GABRA4: variants seen among roughly 807,000 people sequenced by gnomAD.
The protein encoded by GABRA4 is gamma-aminobutyric acid receptor subunit alpha-4.
GABRA4 carries 12 observed loss-of-function variants against 49.7 expected under a neutral mutation model. The observed-to-expected ratio is 0.24, with a 90% CI of 0.15 to 0.39. The LOEUF is 0.39. Ranked by LOEUF, GABRA4 falls within the 10% of genes least tolerant of loss-of-function variation. GABRA4 has a pLI of 1.00. For missense variants in GABRA4, 506 were observed against 686.0 expected (o/e 0.74, Z 2.93); for synonymous variants, 288 against 240.2 (o/e 1.20, Z -1.84).
chr4:46,928,371 C>A lies in GABRA4; in HGVS notation c.1519G>T (p.Ala507Ser). ...GKLSATPPPS[A>S]PPPSGSGTSK... Reference sequence around the variant, plus strand: ...GTGCCAGATCCAGAAGGTGGTGGAGCCGATGGAGGAGGAGTAGCTGACAAC... The same window carrying A: ...GTGCCAGATCCAGAAGGTGGTGGAGACGATGGAGGAGGAGTAGCTGACAAC... Residue 507 changes from alanine to serine, a missense_variant, in exon 9 of 9, where the codon GCT (alanine) becomes TCT (serine). Transcript: ENST00000264318. 1.9e-6 allele frequency: 3 copies of A among 1,613,572 alleles called. No individual in the cohort carries two copies. The highest frequency in any genetic ancestry group is 2.7e-5 in the African/African-American group (2 of 74,980).
chr4:46,931,470 T>C (rs1721434957), intron 8 of GABRA4, among the ~76,000 whole-genome samples: 1 of 152,150 alleles, frequency 6.6e-6, no homozygotes, highest in Admixed American at 6.6e-5. Context: ...TGGAATGTCC[T>C]GAAATCTTGT....
intron 2 of GABRA4, among the ~76,000 whole-genome samples, chr4:46,982,101 A>G (rs1312819692): frequency 6.6e-6 from 1 of 152,136 alleles, no homozygotes; most frequent in Non-Finnish European, 1.5e-5. Context: ...TTTAAGCAAC[A>G]TACTTATAAT....
intron 8 of GABRA4, among the ~76,000 whole-genome samples, chr4:46,930,570 T>G (rs1385595833): frequency 6.6e-6 from 1 of 151,696 alleles, no homozygotes; most frequent in African/African-American, 2.4e-5. Context: ...GACCAAATGC[T>G]GAATATCCCA....
At chr4:46,966,841 GTTAGCATTC>G (rs1206258017) in intron 7 of GABRA4, among the ~76,000 whole-genome samples, 2 of 151,674 alleles carry the variant, frequency 1.3e-5, no homozygotes, top group Non-Finnish European at 3.0e-5. Flanking sequence ...TTGTGACATT[GTTAGCATTC>G]TTATTAGTCT....
chr4:46,936,930 G>A (rs1181320489), intron 8 of GABRA4, among the ~76,000 whole-genome samples: 1 of 152,150 alleles, frequency 6.6e-6, no homozygotes, highest in Non-Finnish European at 1.5e-5. Context: ...ATGGCAGAAT[G>A]CAACAAATGT....
rs1721084405 is a variant in GABRA4, at chr4:46,922,882, C to T, written c.*5343G>A. 1 of 152,100 alleles carries T rather than the reference C, an allele frequency of 6.6e-6. No homozygotes were observed. Among genetic ancestry groups the T allele is most frequent in the East Asian group, 1.9e-4 (1 of 5,172 alleles). The allele number at this position is 152,100 out of a possible 1,614,324, so 9.4% of individuals were successfully genotyped here. A position where few individuals can be genotyped will look rare whatever the true frequency, so the allele number is the denominator to read the frequency against. On this transcript the variant is annotated 3_prime_UTR_variant, in exon 9 of 9. Transcript: ENST00000264318. ...GGTCCCCAACCCCTGGGCCACTGACCAGTACTTATCCATGACCTGTTAGGA... is the reference window on the plus strand; with the variant it reads ...GGTCCCCAACCCCTGGGCCACTGACTAGTACTTATCCATGACCTGTTAGGA...
intron 7 of GABRA4, among the ~76,000 whole-genome samples, chr4:46,968,029 A>G (rs1577779020): frequency 6.6e-6 from 1 of 151,524 alleles, no homozygotes; most frequent in East Asian, 2.0e-4. Context: ...CTTTTATTAC[A>G]CTGATTTTTT....
At chr4:46,939,118 A>G (rs1043103854) in intron 8 of GABRA4, among the ~76,000 whole-genome samples, 6 of 152,018 alleles carry the variant, frequency 3.9e-5, no homozygotes, top group African/African-American at 1.4e-4. Context: ...GATGCTGTTG[A>G]TATTAGAAAC....
At chr4:46,990,772 A>G (rs1347313734) in intron 2 of GABRA4, among the ~76,000 whole-genome samples, 1 of 152,174 alleles carries the variant, frequency 6.6e-6, no homozygotes, top group East Asian at 1.9e-4. Flanking sequence ...CAAATGATTC[A>G]CCCCTTTTCA....
At chr4:46,983,313 G>C (rs189775600) in intron 2 of GABRA4, among the ~76,000 whole-genome samples, 1 of 151,994 alleles carries the variant, frequency 6.6e-6, no homozygotes, top group African/African-American at 2.4e-5. Context: ...TTCTCAAAGC[G>C]CTTTTCATGC....
intron 8 of GABRA4, among the ~76,000 whole-genome samples, chr4:46,937,017 T>C (rs1252741168): frequency 6.6e-6 from 1 of 152,182 alleles, no homozygotes; most frequent in Non-Finnish European, 1.5e-5. Context: ...AATTCATATG[T>C]TGAAAACTGA....
At chr4:46,974,065 G>C (rs146293066) in intron 6 of GABRA4, among the ~76,000 whole-genome samples, 167 bp downstream of exon 6, 23 of 151,960 alleles carry the variant, frequency 1.5e-4, no homozygotes, top group African/African-American at 4.6e-4. Context: ...ACTAAAGTAA[G>C]ATTATAAATA....
rs397993248 is a variant in GABRA4, at chr4:46,925,714, A to ATATTATTAT, written c.*2502_*2510dup. ...AATTCAGTTAAGGAAAGCAAACAAC[A>ATATTATTAT]TATTATTATTATTATTATTATTATT... is the stretch of plus-strand genomic sequence containing the variant. On this transcript the variant is annotated 3_prime_UTR_variant, in exon 9 of 9. Coordinates refer to ENST00000264318, the MANE Select transcript of GABRA4 (RefSeq NM_000809.4). 3.9e-4 allele frequency: 55 copies of ATATTATTAT among 139,370 alleles called. No individual in the cohort carries two copies. The highest frequency in any genetic ancestry group is 3.7e-3 in the Middle Eastern group (1 of 272). The allele number at this position is 139,370 out of a possible 1,614,324, so 8.6% of individuals were successfully genotyped here.
intron 8 of GABRA4, among the ~76,000 whole-genome samples, chr4:46,933,333 A>G (rs1421235233): frequency 2.6e-5 from 4 of 152,126 alleles, no homozygotes; most frequent in African/African-American, 9.7e-5. Flanking sequence ...CTGATCTCCA[A>G]TTTATTATTT....
rs566387885 is a variant in GABRA4, at chr4:46,931,942, C to T, written c.1135-3187G>A. 3.3e-5 allele frequency among the ~76,000 whole-genome samples: 5 copies of T among 152,266 alleles called. No individual in the cohort carries two copies. In the South Asian group the frequency reaches 6.2e-4, roughly 19 times the overall value. On this transcript the variant is annotated intron_variant, in intron 8 of 8. Coordinates refer to ENST00000264318, the MANE Select transcript of GABRA4 (RefSeq NM_000809.4). The stretch of plus-strand genomic sequence containing the variant: ...AACATCAACAGAATCCACAGTTGAT[C>T]CACAGATTTGGGAGCAAAAATAAAT...
At chr4:46,985,449 C>T (rs919116561) in intron 2 of GABRA4, among the ~76,000 whole-genome samples, 2 of 151,770 alleles carry the variant, frequency 1.3e-5, no homozygotes. Flanking sequence ...AAAAAGAAGG[C>T]TACATATGGG....
At chr4:46,956,585 T>C (rs1722371642) in intron 8 of GABRA4, among the ~76,000 whole-genome samples, 1 of 152,006 alleles carries the variant, frequency 6.6e-6, no homozygotes, top group Non-Finnish European at 1.5e-5. Flanking sequence ...TCCTCAGTTC[T>C]CTATTTCTGC....
At chr4:46,941,591 T>C (rs1175115813) in intron 8 of GABRA4, among the ~76,000 whole-genome samples, 1 of 152,156 alleles carries the variant, frequency 6.6e-6, no homozygotes, top group African/African-American at 2.4e-5. Context: ...AATATTACTA[T>C]AGAATTGTCC....
At chr4:46,954,897 ACTTAC>A (rs1270834436) in intron 8 of GABRA4, among the ~76,000 whole-genome samples, 2 of 152,256 alleles carry the variant, frequency 1.3e-5, no homozygotes, top group African/African-American at 4.8e-5. Flanking sequence ...GATCTAGGCA[ACTTAC>A]CAAAATACCA....
Sources: gnomAD v4.1 joint callset for allele counts (sites outside exome capture counted in the v4.1 genomes callset) on GRCh38, gnomAD v4.1.1 for gene constraint, MANE v1.5 for transcripts, NCBI Gene and HGNC (gene_info 2026-07-23, HGNC 2026-07-21) for gene names.